The following KATNAL1 variants were observed in gnomAD, a reference collection of about 807,000 sequenced individuals.
The protein encoded by KATNAL1 is katanin catalytic subunit A1 like 1, also known as katanin p60 ATPase-containing subunit A-like 1.
A neutral mutation model predicts 55.2 loss-of-function variants in KATNAL1; 32 were observed. The ratio of observed to expected loss-of-function variants is 0.58; its 90% CI spans 0.44 to 0.78. KATNAL1 has a LOEUF of 0.78. Among genes scored for constraint, KATNAL1 ranks in the 30% least tolerant of loss-of-function variants. KATNAL1 has a pLI of 0.00. For missense variants in KATNAL1, 466 were observed against 600.9 expected (o/e 0.78, Z 2.35); for synonymous variants, 193 against 193.6 (o/e 1.00, Z 0.02).
chr13:30,211,975 T>A (rs1873734156), intron 9 of KATNAL1, among the ~76,000 whole-genome samples: 1 of 151,900 alleles, frequency 6.6e-6, no homozygotes, highest in South Asian at 2.1e-4. Context: ...GGGGAAGGAG[T>A]GTCTTTTCAA....
chr13:30,259,024 C>T (rs1879021449), intron 3 of KATNAL1, among the ~76,000 whole-genome samples: 1 of 152,132 alleles, frequency 6.6e-6, no homozygotes, highest in South Asian at 2.1e-4. Context: ...GAATGAAAGG[C>T]ACTATGCTAT....
chr13:30,247,354 A>C (rs1252089274), intron 4 of KATNAL1, among the ~76,000 whole-genome samples: 2 of 152,228 alleles, frequency 1.3e-5, no homozygotes, highest in Non-Finnish European at 2.9e-5. Context: ...CCTGCATTTG[A>C]GTGTTAATAC....
chr13:30,209,031 G>C (rs1381774787), intron 10 of KATNAL1, among the ~76,000 whole-genome samples: 1 of 152,120 alleles, frequency 6.6e-6, no homozygotes, highest in African/African-American at 2.4e-5. Flanking sequence ...AAGAAGTTTA[G>C]GAAACTGAAG....
Position 30,240,976 on chromosome 13 carries a change from C to A in KATNAL1, c.603G>T (p.Arg201Ser). Residue 201 changes from arginine (R) to serine (S), a missense_variant, in exon 5 of 11, where the codon AGG (arginine) becomes AGT (serine). By Grantham distance (110) the Arg-to-Ser change is moderately radical. Transcript: ENST00000380615. ...VEALERDIVS[R>S]NPSIHWDDIA... ...ACTCTAACCAATGAATGCTAGGATT[C>A]CTGGATACAATGTCTCTTTCAAGGG... is the stretch of plus-strand genomic sequence containing the variant. 9 of 1,612,788 alleles carry A rather than the reference C, an allele frequency of 5.6e-6. No individual in the cohort carries two copies. The highest frequency in any genetic ancestry group is 7.6e-6 in the Non-Finnish European group (9 of 1,179,470).
intron 3 of KATNAL1, among the ~76,000 whole-genome samples, chr13:30,261,388 T>C (rs1879273768): frequency 6.6e-6 from 1 of 151,852 alleles, no homozygotes; most frequent in Non-Finnish European, 1.5e-5. Flanking sequence ...TCAATGTAAA[T>C]GGACTAAATG....
chr13:30,256,307 C>T (rs78951537), intron 3 of KATNAL1, among the ~76,000 whole-genome samples: 3,879 of 152,316 alleles, frequency 0.025, 154 homozygotes, highest in African/African-American at 0.086. Context: ...GTTTCATCTA[C>T]TGTGGAACTT....
intron 3 of KATNAL1, among the ~76,000 whole-genome samples, chr13:30,278,460 CAAAGA>C (rs1304922342): frequency 7.9e-5 from 12 of 151,996 alleles, no homozygotes; most frequent in Admixed American, 7.9e-4. Flanking sequence ...TAAGAAAGGA[CAAAGA>C]AAAGAAAATA....
chr13:30,236,671 C>G (rs970581979), intron 6 of KATNAL1, among the ~76,000 whole-genome samples: 34 of 152,296 alleles, frequency 2.2e-4, no homozygotes, highest in African/African-American at 7.5e-4. Context: ...TTGCAAATCA[C>G]CCTTCTACTA....
rs968022217 is a variant in KATNAL1, at chr13:30,274,923, A to G, written c.323+5140T>C. 3.4e-3 allele frequency among the ~76,000 whole-genome samples: 514 copies of G among 149,284 alleles called. 4 individuals are homozygous for G. The highest frequency in any genetic ancestry group is 0.011 in the African/African-American group (450 of 40,620). ...CGCGCGCGCGCACACACACACACACACACACACACACACACACACACACAC... is the reference window on the plus strand; with the variant it reads ...CGCGCGCGCGCACACACACACACACGCACACACACACACACACACACACAC... On this transcript the variant is annotated intron_variant, in intron 3 of 10. Transcript: ENST00000380615.
chr13:30,240,446 T>G lies in KATNAL1; in HGVS notation c.726+14A>C. On this transcript the variant is annotated intron_variant, in intron 6 of 10. Coordinates refer to ENST00000380615, the MANE Select transcript of KATNAL1 (RefSeq NM_032116.5). ...TAGCATTCTTATATCAAAACCAATT[T>G]AATAAATTCTCACCTTCCATGGCCT... 1 of 1,561,634 alleles carries G rather than the reference T, an allele frequency of 6.4e-7. No individual in the cohort carries two copies. The highest frequency in any genetic ancestry group is 8.8e-7 in the Non-Finnish European group (1 of 1,133,104).
intron 4 of KATNAL1, among the ~76,000 whole-genome samples, chr13:30,247,032 G>A (rs1355082498): frequency 1.3e-5 from 2 of 152,076 alleles, no homozygotes; most frequent in African/African-American, 2.4e-5. Flanking sequence ...AATCCTAAAA[G>A]TCCTATGAGG....
chr13:30,293,390 A>G (rs997335108), intron 1 of KATNAL1, among the ~76,000 whole-genome samples: 2 of 152,156 alleles, frequency 1.3e-5, no homozygotes, highest in Admixed American at 1.3e-4. Context: ...TACACTGTGT[A>G]CACCCCGGCA....
intron 6 of KATNAL1, among the ~76,000 whole-genome samples, chr13:30,232,371 G>A (rs960493505): frequency 6.6e-6 from 1 of 152,150 alleles, no homozygotes; most frequent in Non-Finnish European, 1.5e-5. Flanking sequence ...CTATGTGTAT[G>A]TCAAAGTTTC....
Position 30,210,389 on chromosome 13 carries a change from G to C in KATNAL1, c.1201C>G (p.Pro401Ala), listed in dbSNP as rs183166828. 1.4e-5 allele frequency: 22 copies of C among 1,606,360 alleles called. No homozygotes were observed. In the East Asian group the frequency reaches 1.6e-4, roughly 12 times the overall value. ...GCTATATCTTCCAGTTGAATATCAG[G>C]ATCTAATTCGACCTCACGAAGGTTG... ...KINLREVELD[P>A]DIQLEDIAEK... The change falls in exon 10 of 11, where the codon CCT becomes GCT. Residue 401 changes from proline to alanine, a missense_variant. By Grantham distance (27) the Pro-to-Ala change is conservative. Coordinates refer to ENST00000380615, the MANE Select transcript of KATNAL1 (RefSeq NM_032116.5).
chr13:30,269,926 G>A lies in KATNAL1; in HGVS notation c.323+10137C>T, dbSNP rs1180907765. On this transcript the variant is annotated intron_variant, in intron 3 of 10. Transcript: ENST00000380615. ...GGGTCAGCCCCCTGCCCGGCCAGCCGCCCCGTCCGGGAGGTGAGGGGCACC... is the reference window on the plus strand; with the variant it reads ...GGGTCAGCCCCCTGCCCGGCCAGCCACCCCGTCCGGGAGGTGAGGGGCACC... Among the ~76,000 whole-genome samples the A allele has an allele frequency of 1.5e-3, 221 of 147,382 alleles. 1 individual carries two copies. Among genetic ancestry groups the A allele is most frequent in the Non-Finnish European group, 1.1e-3 (71 of 66,726 alleles).
At chr13:30,270,021 G>A (rs1371543396) in intron 3 of KATNAL1, among the ~76,000 whole-genome samples, 1 of 142,342 alleles carries the variant, frequency 7.0e-6, no homozygotes, top group Non-Finnish European at 1.6e-5. Context: ...CCGGGAGGGA[G>A]GTGGGGGTGT....
chr13:30,229,904 T>C (rs1169933731), intron 8 of KATNAL1, among the ~76,000 whole-genome samples: 4 of 151,432 alleles, frequency 2.6e-5, no homozygotes, highest in Non-Finnish European at 4.4e-5. Flanking sequence ...TACATATGTT[T>C]ATGAAAAGTA....
In KATNAL1 at chr13:30,208,328, T is replaced by A. The variant is rs1226098632; in HGVS notation, c.*212A>T. On this transcript the variant is annotated 3_prime_UTR_variant, in exon 11 of 11. Coordinates refer to ENST00000380615, the MANE Select transcript of KATNAL1 (RefSeq NM_032116.5). ...AATATTAATGCAGGAATACGTGGAA[T>A]ACCAGCACAAAGCCGGGGAGGGAGA... 1.0e-5 allele frequency: 5 copies of A among 492,590 alleles called. No individual in the cohort carries two copies. The highest frequency in any genetic ancestry group is 5.3e-4 in the Middle Eastern group (1 of 1,896). 30.5% of individuals were successfully genotyped at this position (492,590 alleles called of 1,614,324 possible). A position where few individuals can be genotyped will look rare whatever the true frequency, so the allele number is the denominator to read the frequency against.
In KATNAL1 at chr13:30,207,272, T is replaced by C. The variant is rs1751244524; in HGVS notation, c.*1268A>G. ...TGATTGGATATATGCCATTTATTTT[T>C]CTGGCTTCTTTCTAATGTGTAATTC... is the stretch of plus-strand genomic sequence containing the variant. On this transcript the variant is annotated 3_prime_UTR_variant, in exon 11 of 11. Transcript: ENST00000380615. The C allele has an allele frequency of 6.6e-6, 1 of 152,228 alleles. No individual in the cohort carries two copies. Among genetic ancestry groups the C allele is most frequent in the South Asian group, 2.1e-4 (1 of 4,836 alleles). The allele number at this position is 152,228 out of a possible 1,614,324, so 9.4% of individuals were successfully genotyped here.
Sources: gnomAD v4.1 joint callset for allele counts (sites outside exome capture counted in the v4.1 genomes callset) on GRCh38, gnomAD v4.1.1 for gene constraint, MANE v1.5 for transcripts, NCBI Gene and HGNC (gene_info 2026-07-23, HGNC 2026-07-21) for gene names.